The following SPARCL1 variants were observed in gnomAD, a reference collection of about 807,000 sequenced individuals.
SPARCL1 encodes SPARC-like protein 1.
In SPARCL1, 52 loss-of-function variants were observed where a neutral mutation model predicts 67.1. The ratio of observed to expected loss-of-function variants is 0.78; its 90% CI spans 0.62 to 0.98. SPARCL1 has a LOEUF of 0.98. Ranked by LOEUF, SPARCL1 falls within the 50% of genes least tolerant of loss-of-function variation. The pLI, the probability that SPARCL1 is intolerant of heterozygous loss-of-function variation, is 0.00. For missense variants in SPARCL1, 717 were observed against 782.4 expected (o/e 0.92, Z 1.00); for synonymous variants, 226 against 267.8 (o/e 0.84, Z 1.52).
At chr4:87,494,692 C>T in intron 3 of SPARCL1, 94 bp from the exon 4 acceptor site, 15 of 1,008,144 alleles carry the variant, frequency 1.5e-5, no homozygotes, top group Non-Finnish European at 2.1e-5. Context: ...TCTTTTTCTT[C>T]ACACACTATC....
chr4:87,492,459 A>T (rs1257792690), intron 4 of SPARCL1, among the ~76,000 whole-genome samples: 2 of 152,070 alleles, frequency 1.3e-5, no homozygotes, highest in Non-Finnish European at 2.9e-5. Context: ...AATCAGTCAC[A>T]ACTGTGGAGG....
chr4:87,491,336 T>C (rs961356133), intron 5 of SPARCL1, among the ~76,000 whole-genome samples: 4 of 152,160 alleles, frequency 2.6e-5, no homozygotes, highest in Non-Finnish European at 4.4e-5. Context: ...ATAAATAAGA[T>C]AGAATTAAGT....
intron 2 of SPARCL1, chr4:87,497,134 G>A (rs904502451): frequency 1.1e-5 from 9 of 795,250 alleles, no homozygotes; most frequent in Non-Finnish European, 1.2e-5. Flanking sequence ...TGCCCACCTT[G>A]GCCTCCCAAA....
Position 87,508,782 on chromosome 4 carries a change from ATGTGTG to A in SPARCL1, c.-11-9203_-11-9198del, listed in dbSNP as rs71667857. ...GAGACAGGAACCGTGGATGAAACAT[ATGTGTG>A]TGTGTGTGTGTGTGTGTGTGTGTGT... On this transcript the variant is annotated intron_variant, in intron 1 of 10. Coordinates refer to ENST00000282470, the MANE Select transcript of SPARCL1 (RefSeq NM_004684.6). Among the ~76,000 whole-genome samples the A allele has an allele frequency of 2.6e-3, 359 of 140,114 alleles. 1 individual carries two copies. The highest frequency in any genetic ancestry group is 8.2e-3 in the African/African-American group (310 of 37,888). 91.9% of individuals were successfully genotyped at this position (140,114 alleles called of 152,430 possible).
intron 1 of SPARCL1, among the ~76,000 whole-genome samples, chr4:87,514,240 A>T (rs1456925423): frequency 6.6e-6 from 1 of 152,214 alleles, no homozygotes; most frequent in Non-Finnish European, 1.5e-5. Flanking sequence ...TTCTCAGGTA[A>T]GAGGTATGTT....
At chr4:87,476,425 T>C (rs1723586770) in intron 10 of SPARCL1, among the ~76,000 whole-genome samples, 1 of 152,222 alleles carries the variant, frequency 6.6e-6, no homozygotes, top group Non-Finnish European at 1.5e-5. Flanking sequence ...TGCCTGGGTT[T>C]ACCACAGTAT....
chr4:87,494,451 C>T lies in SPARCL1; in HGVS notation c.349G>A (p.Glu117Lys). 2 of 1,614,142 alleles carry T rather than the reference C, an allele frequency of 1.2e-6. No homozygotes were observed. The highest frequency in any genetic ancestry group is 1.7e-6 in the Non-Finnish European group (2 of 1,180,024). The change falls in exon 4 of 11, where the codon GAA becomes AAA. Residue 117 changes from glutamate (E) to lysine (K), a missense_variant. Coordinates refer to ENST00000282470, the MANE Select transcript of SPARCL1 (RefSeq NM_004684.6). ...LSVNLEYAPT[E>K]GTLDIKEDMS... ...TCTTCTTTTATGTCCAATGTACCTT[C>T]AGTTGGTGCATACTCCAAATTCACA...
intron 10 of SPARCL1, among the ~76,000 whole-genome samples, chr4:87,478,626 C>T (rs113801597): frequency 0.017 from 2,536 of 151,896 alleles, 77 homozygotes; most frequent in African/African-American, 0.058. Flanking sequence ...TTGGTAGAGG[C>T]GGGGTTTCAC....
intron 1 of SPARCL1, among the ~76,000 whole-genome samples, chr4:87,509,820 T>C (rs1246250814): frequency 6.6e-6 from 1 of 152,246 alleles, no homozygotes; most frequent in Non-Finnish European, 1.5e-5. Flanking sequence ...TGTGCACACA[T>C]GTGTGGACAG....
At position 87,494,396 on chromosome 4, in the gene SPARCL1, G is replaced by C; in HGVS notation, c.404C>G (p.Ser135Ter). 6.2e-7 allele frequency: 1 copy of C among 1,614,100 alleles called. No individual in the cohort carries two copies. The highest frequency in any genetic ancestry group is 1.1e-5 in the South Asian group (1 of 91,084). ...DMSEPQEKKL[S>*]ENTDFLAPGV... ...AGGAGCCAAAAAATCAGTGTTCTCT[G>C]AGAGTTTTTTCTCCTGAGGCTCACT... Residue 135 changes from serine to a stop codon, truncating the protein, a stop_gained, in exon 4 of 11, where the codon TCA (serine) becomes TGA (stop). Transcript: ENST00000282470. LOFTEE classifies it high-confidence loss of function.
chr4:87,501,207 T>G (rs1470645546), intron 1 of SPARCL1, among the ~76,000 whole-genome samples: 2 of 152,156 alleles, frequency 1.3e-5, no homozygotes, highest in Admixed American at 6.6e-5. Context: ...TTGCTTCCTT[T>G]GGACTGGTGT....
rs527262798 is a variant in SPARCL1, at chr4:87,510,564, G to A, written c.-11-10979C>T. 1.4e-4 allele frequency among the ~76,000 whole-genome samples: 21 copies of A among 152,254 alleles called. No homozygotes were observed. The South Asian group carries it at 4.1e-3, about 30-fold the overall frequency. ...CCTGGACATAGGAGAGAGGTGGCTT[G>A]ACTTCAGAGGAGAGGGATCTTCCCT... On this transcript the variant is annotated intron_variant, in intron 1 of 10. Transcript: ENST00000282470.
chr4:87,514,341 G>A (rs982596984), intron 1 of SPARCL1, among the ~76,000 whole-genome samples: 1 of 152,242 alleles, frequency 6.6e-6, no homozygotes, highest in Non-Finnish European at 1.5e-5. Context: ...AACAAGTCTA[G>A]GGATTGTCAT....
At position 87,520,246 on chromosome 4, in the gene SPARCL1, C is replaced by CAAAAA. The variant is rs71667860; in HGVS notation, c.-12+8794_-12+8798dup. 5.7e-4 allele frequency among the ~76,000 whole-genome samples: 60 copies of CAAAAA among 104,946 alleles called. 2 individuals are homozygous for CAAAAA. In the East Asian group the frequency reaches 5.8e-3, roughly 10 times the overall value. The allele number at this position is 104,946 out of a possible 152,430, so 68.8% of individuals were successfully genotyped here. On this transcript the variant is annotated intron_variant, in intron 1 of 10. Coordinates refer to ENST00000282470, the MANE Select transcript of SPARCL1 (RefSeq NM_004684.6). ...TGGGTGACAGAGCCAGACACTGTCT[C>CAAAAA]AAAAAAAAAAAAAAAAAAAAGTTGT...
At position 87,500,784 on chromosome 4, in the gene SPARCL1, ACGCG is replaced by A. The variant is rs1560822090; in HGVS notation, c.-11-1203_-11-1200del. On this transcript the variant is annotated intron_variant, in intron 1 of 10. Transcript: ENST00000282470. ...AACAACTATCACTTCACACACACGT[ACGCG>A]CGCACGCACATACGCGCGCACGCAC... Among the ~76,000 whole-genome samples, 320 of 105,230 alleles carry A rather than the reference ACGCG, an allele frequency of 3.0e-3. 1 individual carries two copies. Among genetic ancestry groups the A allele is most frequent in the African/African-American group, 0.015 (306 of 19,810 alleles). 69.0% of individuals were successfully genotyped at this position (105,230 alleles called of 152,430 possible).
intron 2 of SPARCL1, among the ~76,000 whole-genome samples, chr4:87,498,357 A>G (rs1724707623): frequency 6.6e-6 from 1 of 152,198 alleles, no homozygotes; most frequent in Admixed American, 6.5e-5. Flanking sequence ...AACTTATCCA[A>G]AAAGCAAGGA....
chr4:87,512,440 G>A (rs1725403989), intron 1 of SPARCL1, among the ~76,000 whole-genome samples: 1 of 152,082 alleles, frequency 6.6e-6, no homozygotes, highest in Non-Finnish European at 1.5e-5. Context: ...TTTGACCAAT[G>A]TGACATTAGC....
intron 1 of SPARCL1, among the ~76,000 whole-genome samples, chr4:87,522,817 A>G (rs1200277607): frequency 6.6e-6 from 1 of 152,200 alleles, no homozygotes; most frequent in Non-Finnish European, 1.5e-5. Context: ...ATTTCAGTGT[A>G]TCATTATATA....
intron 1 of SPARCL1, among the ~76,000 whole-genome samples, chr4:87,517,891 C>T (rs961253447): frequency 6.6e-6 from 1 of 152,172 alleles, no homozygotes; most frequent in African/African-American, 2.4e-5. Context: ...GGTGTTGGGA[C>T]CTTCTGGGGA....
Sources: gnomAD v4.1 joint callset for allele counts (sites outside exome capture counted in the v4.1 genomes callset) on GRCh38, gnomAD v4.1.1 for gene constraint, MANE v1.5 for transcripts, NCBI Gene and HGNC (gene_info 2026-07-23, HGNC 2026-07-21) for gene names.